The following LRRFIP2 variants were observed in gnomAD, a reference collection of about 807,000 sequenced individuals.
LRRFIP2 encodes the protein leucine-rich repeat flightless-interacting protein 2.
A neutral mutation model predicts 125.9 loss-of-function variants in LRRFIP2; 109 were observed. The observed-to-expected ratio is 0.87, with a 90% CI of 0.74 to 1.01. LRRFIP2 has a LOEUF of 1.01. Ranked by LOEUF, LRRFIP2 falls within the 50% of genes least tolerant of loss-of-function variation. LRRFIP2 has a pLI of 0.00. For synonymous variants in LRRFIP2, 291 were observed against 293.1 expected, an observed-to-expected ratio of 0.99 and a Z score of 0.07; for missense variants, 850 against 862.3, an observed-to-expected ratio of 0.99 and a Z score of 0.18.
At chr3:37,114,453 T>C (rs1323493336) in intron 7 of LRRFIP2, among the ~76,000 whole-genome samples, 3 of 152,138 alleles carry the variant, frequency 2.0e-5, no homozygotes, top group Non-Finnish European at 4.4e-5. Context: ...ACAATGAGTA[T>C]ATGTTAGGTG....
chr3:37,105,497 A>G lies in LRRFIP2; in HGVS notation c.741T>C (p.Ile247=), dbSNP rs763348064. Reference sequence around the variant, plus strand: ...CACGACTGGCACGATCAGAAGACACAATGCTTGCAGTGTCATCGTTGGTAA... The same window carrying G: ...CACGACTGGCACGATCAGAAGACACGATGCTTGCAGTGTCATCGTTGGTAA... The part of the protein sequence containing the change: ...PGFTNDDTAS[I]VSSDRASRGR... Residue 247 remains isoleucine, a synonymous_variant, in exon 14 of 28, where the codon ATT becomes ATC. Coordinates refer to ENST00000336686, the MANE Select transcript of LRRFIP2 (RefSeq NM_006309.4). 43 of 1,613,824 alleles carry G rather than the reference A, an allele frequency of 2.7e-5. No individual in the cohort carries two copies. Among genetic ancestry groups the G allele is most frequent in the Non-Finnish European group, 3.5e-5 (41 of 1,179,750 alleles).
At chr3:37,165,107 C>G (rs944306730) in intron 1 of LRRFIP2, among the ~76,000 whole-genome samples, 1 of 151,682 alleles carries the variant, frequency 6.6e-6, no homozygotes, top group Non-Finnish European at 1.5e-5. Flanking sequence ...TGGTGGTGAG[C>G]GCCTATAGTT....
chr3:37,131,145 T>G (rs1361513304), intron 2 of LRRFIP2, among the ~76,000 whole-genome samples: 1 of 152,066 alleles, frequency 6.6e-6, no homozygotes, highest in African/African-American at 2.4e-5. Context: ...GTATCTCCCA[T>G]GGATTGGAGG....
chr3:37,142,167 T>C (rs2095721288), intron 2 of LRRFIP2, among the ~76,000 whole-genome samples: 1 of 150,910 alleles, frequency 6.6e-6, no homozygotes, highest in Non-Finnish European at 1.5e-5. Context: ...TTTTTTTTTT[T>C]TGAGACAGGG....
chr3:37,097,306 A>T (rs994370305), intron 15 of LRRFIP2, among the ~76,000 whole-genome samples: 10 of 152,038 alleles, frequency 6.6e-5, no homozygotes, highest in African/African-American at 1.9e-4. Flanking sequence ...CAAAGTCTTT[A>T]AAAAAATTCT....
chr3:37,168,247 T>C (rs535448004), intron 1 of LRRFIP2, among the ~76,000 whole-genome samples: 167 of 152,250 alleles, frequency 1.1e-3, no homozygotes, highest in South Asian at 1.9e-3. Flanking sequence ...ATATTCATGG[T>C]GGCACTATTC....
intron 1 of LRRFIP2, among the ~76,000 whole-genome samples, chr3:37,159,508 T>A (rs940296323): frequency 1.3e-5 from 2 of 152,170 alleles, no homozygotes; most frequent in African/African-American, 4.8e-5. Context: ...AGTTTGTTAC[T>A]TTCTCTTTTT....
At chr3:37,161,179 T>TAAAAAAAAAA (rs60688555) in intron 1 of LRRFIP2, among the ~76,000 whole-genome samples, 20 of 88,088 alleles carry the variant, frequency 2.3e-4, no homozygotes, top group Middle Eastern at 6.7e-3. Flanking sequence ...CCCCATCTAC[T>TAAAAAAAAAA]AAAAAAAAAA....
At chr3:37,076,552 A>C (rs909935789) in intron 19 of LRRFIP2, among the ~76,000 whole-genome samples, 9 of 150,786 alleles carry the variant, frequency 6.0e-5, no homozygotes, top group African/African-American at 2.2e-4. Context: ...TAAATAAATA[A>C]AACTTTTGAA....
intron 19 of LRRFIP2, among the ~76,000 whole-genome samples, chr3:37,082,786 A>T (rs961370589): frequency 6.6e-6 from 1 of 152,202 alleles, no homozygotes; most frequent in Admixed American, 6.5e-5. Flanking sequence ...GTCCTCAAGG[A>T]AAGAAATTCC....
chr3:37,106,559 G>A (rs535431031), intron 13 of LRRFIP2, among the ~76,000 whole-genome samples: 1 of 152,300 alleles, frequency 6.6e-6, no homozygotes, highest in Non-Finnish European at 1.5e-5. Flanking sequence ...TGCAGTCCCA[G>A]CTACTCAGGA....
In LRRFIP2 at chr3:37,130,518, C is replaced by T. The variant is rs147661311; in HGVS notation, c.91-1369G>A. Among the ~76,000 whole-genome samples, 519 of 152,208 alleles carry T rather than the reference C, an allele frequency of 3.4e-3. 6 individuals are homozygous for T. Among genetic ancestry groups the T allele is most frequent in the African/African-American group, 0.012 (485 of 41,512 alleles). The stretch of plus-strand genomic sequence containing the variant: ...CACCTTACTTCCAAGTCCAGTAGTT[C>T]CCCCCTTATCTGTTGTTTCAGTTAC... On this transcript the variant is annotated intron_variant, in intron 2 of 27. Coordinates refer to ENST00000336686, the MANE Select transcript of LRRFIP2 (RefSeq NM_006309.4).
At chr3:37,108,341 T>C (rs1003359425) in intron 12 of LRRFIP2, among the ~76,000 whole-genome samples, 2 of 152,190 alleles carry the variant, frequency 1.3e-5, no homozygotes, top group African/African-American at 4.8e-5. Flanking sequence ...CCCTGAGAAG[T>C]GCTGCTCAGA....
intron 17 of LRRFIP2, among the ~76,000 whole-genome samples, chr3:37,091,922 C>T (rs1444193596): frequency 6.6e-6 from 1 of 151,986 alleles, no homozygotes; most frequent in Non-Finnish European, 1.5e-5. Flanking sequence ...TCACCTAGAA[C>T]TAGTAAAATA....
intron 27 of LRRFIP2, among the ~76,000 whole-genome samples, 158 bp downstream of exon 27, chr3:37,054,253 T>C (rs2148566380): frequency 1.3e-5 from 2 of 152,300 alleles, no homozygotes; most frequent in East Asian, 3.9e-4. Context: ...TAAAAGTAAA[T>C]GGCAGTCACT....
At chr3:37,138,751 C>T (rs1246493002) in intron 2 of LRRFIP2, among the ~76,000 whole-genome samples, 4 of 152,200 alleles carry the variant, frequency 2.6e-5, no homozygotes, top group Non-Finnish European at 4.4e-5. Context: ...AGTAGGAAAA[C>T]TAACACAGAT....
intron 1 of LRRFIP2, among the ~76,000 whole-genome samples, chr3:37,166,278 C>T (rs1244048192): frequency 1.3e-5 from 2 of 151,774 alleles, no homozygotes; most frequent in Non-Finnish European, 2.9e-5. Flanking sequence ...TGCAGTGAGC[C>T]GAGATTGGGC....
At chr3:37,055,772 GC>G (rs1052246648) in intron 25 of LRRFIP2, among the ~76,000 whole-genome samples, 11 of 152,268 alleles carry the variant, frequency 7.2e-5, no homozygotes, top group African/African-American at 2.6e-4. Flanking sequence ...TTCAGCAGCA[GC>G]CCCTACCAAC....
chr3:37,094,601 G>C (rs938343831), intron 17 of LRRFIP2, among the ~76,000 whole-genome samples, 191 bp downstream of exon 17: 2 of 152,054 alleles, frequency 1.3e-5, no homozygotes, highest in African/African-American at 2.4e-5. Flanking sequence ...AAAGAGGACA[G>C]AAAAAAGAAC....
Sources: allele counts gnomAD v4.1 joint callset (sites outside exome capture counted in the v4.1 genomes callset), GRCh38; gene constraint gnomAD v4.1.1; transcripts MANE v1.5; gene names NCBI Gene and HGNC (gene_info 2026-07-23, HGNC 2026-07-21).